The following MDFIC2 variants were observed in gnomAD, a reference collection of about 807,000 sequenced individuals.
The protein encoded by MDFIC2 is myoD family inhibitor domain-containing protein 2.
intron 2 of MDFIC2, among the ~76,000 whole-genome samples, chr3:70,208,601 C>T (rs964680325): frequency 6.6e-6 from 1 of 152,056 alleles, no homozygotes; most frequent in East Asian, 1.9e-4. Flanking sequence ...CAGGTGATTC[C>T]GACATGTAGA....
At chr3:70,258,973 G>T (rs763654323) in intron 2 of MDFIC2, among the ~76,000 whole-genome samples, 1 of 151,830 alleles carries the variant, frequency 6.6e-6, no homozygotes, top group African/African-American at 2.4e-5. Context: ...TTGAAAAACT[G>T]CTAAAAAGAT....
intron 2 of MDFIC2, among the ~76,000 whole-genome samples, chr3:70,210,436 GAC>G (rs1274712911): frequency 6.6e-6 from 1 of 152,038 alleles, no homozygotes; most frequent in Non-Finnish European, 1.5e-5. Flanking sequence ...CCAGAATTCT[GAC>G]ATCTGAAGTG....
chr3:70,197,899 T>C (rs1343951009), intron 3 of MDFIC2, among the ~76,000 whole-genome samples: 3 of 152,200 alleles, frequency 2.0e-5, no homozygotes, highest in African/African-American at 4.8e-5. Flanking sequence ...AAAAATTTAC[T>C]ACACAGGCTT....
chr3:70,199,959 A>C (rs902626036), intron 3 of MDFIC2, among the ~76,000 whole-genome samples: 6 of 152,168 alleles, frequency 3.9e-5, no homozygotes, highest in African/African-American at 1.4e-4. Context: ...CAGTCCTACA[A>C]ATCTGTTCCT....
chr3:70,306,204 A>G (rs912573858), intron 2 of MDFIC2, among the ~76,000 whole-genome samples: 2 of 152,066 alleles, frequency 1.3e-5, no homozygotes, highest in Admixed American at 1.3e-4. Context: ...CCTAGTTTCA[A>G]GTGATTCTCC....
intron 2 of MDFIC2, among the ~76,000 whole-genome samples, chr3:70,279,654 A>C (rs1407632556): frequency 6.6e-6 from 1 of 152,158 alleles, no homozygotes; most frequent in Admixed American, 6.5e-5. Context: ...TCCTATTTGC[A>C]TTAAGCAGCT....
chr3:70,251,307 A>G (rs563129410), intron 2 of MDFIC2, among the ~76,000 whole-genome samples: 1 of 152,270 alleles, frequency 6.6e-6, no homozygotes, highest in African/African-American at 2.4e-5. Flanking sequence ...AAGTAAAGTG[A>G]TTTACTGCAG....
rs1253263020 is a variant in MDFIC2 at position 70,203,954 on chromosome 3, C to T, written c.310+2615G>A. On this transcript the variant is annotated intron_variant, in intron 3 of 3. Transcript: ENST00000567252. ...TTTTATTCAGGAAAGGGACCACACACGATGAACCACAATTTAGTAATAAAG... is the reference window on the plus strand; with the variant it reads ...TTTTATTCAGGAAAGGGACCACACATGATGAACCACAATTTAGTAATAAAG... Among the ~76,000 whole-genome samples the T allele has an allele frequency of 3.9e-5, 6 of 152,166 alleles. No homozygotes were observed. The East Asian group carries it at 9.7e-4, about 25-fold the overall frequency.
chr3:70,296,804 C>CT (rs1335554150), intron 2 of MDFIC2, among the ~76,000 whole-genome samples: 1 of 152,112 alleles, frequency 6.6e-6, no homozygotes, highest in Non-Finnish European at 1.5e-5. Flanking sequence ...TTCTACTCTT[C>CT]AGCCCACACT....
chr3:70,290,275 A>C (rs1380268999), intron 2 of MDFIC2, among the ~76,000 whole-genome samples: 1 of 152,116 alleles, frequency 6.6e-6, no homozygotes, highest in Non-Finnish European at 1.5e-5. Context: ...TTTTCCTTCT[A>C]ACAGACGGGA....
intron 2 of MDFIC2, among the ~76,000 whole-genome samples, chr3:70,295,546 G>A (rs1399237338): frequency 6.6e-6 from 1 of 151,970 alleles, no homozygotes; most frequent in Non-Finnish European, 1.5e-5. Flanking sequence ...CTACAAAAAA[G>A]TTAAAAATGA....
At position 70,196,143 on chromosome 3, in the gene MDFIC2, G is replaced by C. The variant is rs1291137404; in HGVS notation, c.*783C>G. ...ATAAAAATGAAGAAAGTGAAGAATTGAGATTTTTTTGAAACTTGCACATAA... is the reference window on the plus strand; with the variant it reads ...ATAAAAATGAAGAAAGTGAAGAATTCAGATTTTTTTGAAACTTGCACATAA... On this transcript the variant is annotated 3_prime_UTR_variant, in exon 4 of 4. Coordinates refer to ENST00000567252, the MANE Select transcript of MDFIC2 (RefSeq NM_001364677.1). 1.3e-5 allele frequency among the ~76,000 whole-genome samples: 2 copies of C among 152,136 alleles called. No individual in the cohort carries two copies. The highest frequency in any genetic ancestry group is 4.8e-5 in the African/African-American group (2 of 41,442).
At chr3:70,290,120 T>G (rs1413800189) in intron 2 of MDFIC2, among the ~76,000 whole-genome samples, 41 of 152,180 alleles carry the variant, frequency 2.7e-4, no homozygotes, top group South Asian at 1.0e-3. Context: ...CGTTCCTTTG[T>G]AGGAGGAGAG....
chr3:70,266,270 A>G (rs1701916346), intron 2 of MDFIC2, among the ~76,000 whole-genome samples: 1 of 151,762 alleles, frequency 6.6e-6, no homozygotes, highest in Admixed American at 6.6e-5. Flanking sequence ...ACTTATATTT[A>G]ATTATGTACT....
chr3:70,279,399 A>T (rs1575613842), intron 2 of MDFIC2, among the ~76,000 whole-genome samples: 1 of 152,212 alleles, frequency 6.6e-6, no homozygotes, highest in African/African-American at 2.4e-5. Flanking sequence ...TCTGTATATC[A>T]CACTCGTCAG....
intron 2 of MDFIC2, among the ~76,000 whole-genome samples, chr3:70,247,789 T>C (rs890960959): frequency 2.6e-5 from 4 of 151,820 alleles, no homozygotes; most frequent in Non-Finnish European, 5.9e-5. Flanking sequence ...TAAAGGAAGA[T>C]TCAAGGTTTC....
intron 2 of MDFIC2, among the ~76,000 whole-genome samples, chr3:70,309,079 G>A (rs1257116168): frequency 6.6e-6 from 1 of 152,142 alleles, no homozygotes; most frequent in Non-Finnish European, 1.5e-5. Flanking sequence ...TTAAGGGGGA[G>A]TGAGGGAGGT....
intron 2 of MDFIC2, among the ~76,000 whole-genome samples, chr3:70,258,782 A>C (rs907817816): frequency 9.2e-5 from 14 of 152,198 alleles, no homozygotes; most frequent in African/African-American, 2.4e-4. Flanking sequence ...CCTTGCAAAA[A>C]GTGTTATTTA....
intron 2 of MDFIC2, among the ~76,000 whole-genome samples, chr3:70,287,312 T>A (rs1288617786): frequency 2.1e-5 from 3 of 145,638 alleles, no homozygotes; most frequent in Non-Finnish European, 4.5e-5. Context: ...TCTATTGAGA[T>A]AATCATGTGG....
Sources: allele counts gnomAD v4.1 joint callset (sites outside exome capture counted in the v4.1 genomes callset), GRCh38; gene constraint gnomAD v4.1.1; transcripts MANE v1.5; gene names NCBI Gene and HGNC (gene_info 2026-07-23, HGNC 2026-07-21).